Variants in MAGI2 observed in about 807,000 individuals in gnomAD.
The protein encoded by MAGI2 is membrane-associated guanylate kinase, WW and PDZ domain-containing protein 2.
In MAGI2, 35 loss-of-function variants were observed where a neutral mutation model predicts 133.3. That is an observed-to-expected ratio of 0.26 (90% confidence interval 0.20 to 0.35). The LOEUF (loss-of-function observed/expected upper bound fraction) is 0.35, where lower values mean the gene tolerates loss of function less well. Ranked by LOEUF, MAGI2 falls within the 10% of genes least tolerant of loss-of-function variation. The pLI is 1.00. For synonymous variants in MAGI2, 729 were observed against 710.6 expected (o/e 1.03, Z -0.41); for missense variants, 1,636 against 1,863.4 (o/e 0.88, Z 2.25).
chr7:79,219,454 A>C (rs2129553349), intron 1 of MAGI2, among the ~76,000 whole-genome samples: 1 of 152,158 alleles, frequency 6.6e-6, no homozygotes, highest in Non-Finnish European at 1.5e-5. Flanking sequence ...CTCTACTTCA[A>C]AAAATTTAGA....
At chr7:79,367,858 C>CACATATATATATATATATATATATATAT in intron 1 of MAGI2, among the ~76,000 whole-genome samples, 9 of 87,114 alleles carry the variant, frequency 1.0e-4, no homozygotes, top group East Asian at 3.8e-4. Flanking sequence ...ATATATGTGA[C>CACATATATATATATATATATATATATAT]ATATATATAT....
At chr7:79,415,505 C>T (rs1846437431) in intron 1 of MAGI2, 1 of 152,030 alleles carries the variant, frequency 6.6e-6, no homozygotes, top group African/African-American at 2.4e-5. Flanking sequence ...CAGATAGCTG[C>T]CTTAGAATGA....
intron 3 of MAGI2, among the ~76,000 whole-genome samples, chr7:78,591,026 C>A (rs1040103367): frequency 1.3e-5 from 2 of 152,092 alleles, no homozygotes; most frequent in Non-Finnish European, 2.9e-5. Flanking sequence ...TAATTTATTC[C>A]TTTGACAAAT....
chr7:78,475,935 T>A (rs1163588281), intron 6 of MAGI2, among the ~76,000 whole-genome samples: 2 of 151,882 alleles, frequency 1.3e-5, no homozygotes, highest in Non-Finnish European at 2.9e-5. Flanking sequence ...CAGTCAGTTG[T>A]TTTTCATTTC....
intron 1 of MAGI2, among the ~76,000 whole-genome samples, chr7:79,168,012 A>C (rs1363211811): frequency 6.6e-6 from 1 of 152,186 alleles, no homozygotes; most frequent in African/African-American, 2.4e-5. Flanking sequence ...TTCCTGCTGC[A>C]GATAACTAGG....
chr7:79,411,669 T>C (rs1234318121), intron 1 of MAGI2: 2 of 152,100 alleles, frequency 1.3e-5, no homozygotes, highest in African/African-American at 4.8e-5. Flanking sequence ...AAGTCTGTGG[T>C]AATTTGTTAC....
At chr7:78,668,918 G>A (rs1014225481) in intron 2 of MAGI2, among the ~76,000 whole-genome samples, 10 of 151,946 alleles carry the variant, frequency 6.6e-5, no homozygotes, top group Non-Finnish European at 1.3e-4. Context: ...CGCATTCAAA[G>A]CAGTGCGCAG....
At chr7:78,544,086 G>A (rs10953601) in intron 3 of MAGI2, among the ~76,000 whole-genome samples, 9,936 of 152,238 alleles carry the variant, frequency 0.065, 400 homozygotes, top group Non-Finnish European at 0.096. Flanking sequence ...ATGAATTACA[G>A]CTCTTCCGAC....
intron 3 of MAGI2, among the ~76,000 whole-genome samples, chr7:78,575,236 A>T (rs1802145409): frequency 6.6e-6 from 1 of 152,172 alleles, no homozygotes; most frequent in African/African-American, 2.4e-5. Flanking sequence ...CTACAGAACT[A>T]GCAACCAAAA....
chr7:78,849,439 C>G (rs1249361303), intron 2 of MAGI2, among the ~76,000 whole-genome samples: 1 of 152,018 alleles, frequency 6.6e-6, no homozygotes, highest in African/African-American at 2.4e-5. Context: ...CTAAGCAAAT[C>G]CACTAAGTAA....
At chr7:78,699,371 G>A (rs1817834755) in intron 2 of MAGI2, among the ~76,000 whole-genome samples, 1 of 152,138 alleles carries the variant, frequency 6.6e-6, no homozygotes, top group African/African-American at 2.4e-5. Context: ...AAAGTGCTGG[G>A]ATTACTAGTG....
intron 3 of MAGI2, among the ~76,000 whole-genome samples, chr7:78,565,206 A>C (rs1030389732): frequency 1.3e-5 from 2 of 152,068 alleles, no homozygotes; most frequent in African/African-American, 4.8e-5. Context: ...TTGCACCTGT[A>C]ATCCCAGCTA....
intron 2 of MAGI2, among the ~76,000 whole-genome samples, chr7:78,813,802 A>C (rs1275940740): frequency 6.6e-6 from 1 of 151,124 alleles, no homozygotes; most frequent in African/African-American, 2.4e-5. Context: ...AAAAAAAAAA[A>C]AACACAAAAA....
chr7:79,201,090 C>T (rs1828572555), intron 1 of MAGI2, among the ~76,000 whole-genome samples: 1 of 151,938 alleles, frequency 6.6e-6, no homozygotes. Context: ...CAGAAATTGG[C>T]TCTTTGTCAG....
chr7:79,144,683 G>A (rs1034090190), intron 1 of MAGI2, among the ~76,000 whole-genome samples: 1 of 152,172 alleles, frequency 6.6e-6, no homozygotes, highest in African/African-American at 2.4e-5. Context: ...AACTACCTAA[G>A]AAGCAGGTGA....
Position 78,202,488 on chromosome 7 carries a change from G to A in MAGI2, c.2048-1295C>T, listed in dbSNP as rs1032662019. 2.6e-5 allele frequency among the ~76,000 whole-genome samples: 4 copies of A among 151,968 alleles called. No homozygotes were observed. In the East Asian group the frequency reaches 7.8e-4, roughly 29 times the overall value. ...ACCCAAGGTCGGGAGTTTGAGGTCAGCCTGGCCAACATGGTGAAACCCTGT... is the reference window on the plus strand; with the variant it reads ...ACCCAAGGTCGGGAGTTTGAGGTCAACCTGGCCAACATGGTGAAACCCTGT... On this transcript the variant is annotated intron_variant, in intron 10 of 21. Transcript: ENST00000354212.
chr7:79,100,106 CT>C (rs145970886), intron 1 of MAGI2, among the ~76,000 whole-genome samples: 7,921 of 152,088 alleles, frequency 0.052, 640 homozygotes, highest in African/African-American at 0.18. Flanking sequence ...CCATTTTATG[CT>C]TGTATCACAA....
At chr7:78,244,105 C>T (rs1791480103) in intron 10 of MAGI2, among the ~76,000 whole-genome samples, 1 of 142,966 alleles carries the variant, frequency 7.0e-6, no homozygotes, top group Non-Finnish European at 1.5e-5. Flanking sequence ...GGGAGGATCG[C>T]TTGAGGCCAG....
chr7:78,598,283 A>C (rs114931549), intron 3 of MAGI2, among the ~76,000 whole-genome samples: 35 of 152,306 alleles, frequency 2.3e-4, no homozygotes, highest in African/African-American at 7.0e-4. Flanking sequence ...GAATATAATA[A>C]GAGGGGATTA....
Sources: allele counts gnomAD v4.1 joint callset (sites outside exome capture counted in the v4.1 genomes callset), GRCh38; gene constraint gnomAD v4.1.1; transcripts MANE v1.5; gene names NCBI Gene and HGNC (gene_info 2026-07-23, HGNC 2026-07-21).